The following SLC41A2 variants were observed in gnomAD, a reference collection of about 807,000 sequenced individuals.
SLC41A2 encodes the protein solute carrier family 41 member 2, also known as SLC41A1-like 1.
A neutral mutation model predicts 58.3 loss-of-function variants in SLC41A2; 32 were observed. The ratio of observed to expected loss-of-function variants is 0.55; its 90% CI spans 0.41 to 0.74. The LOEUF is 0.74. SLC41A2 is among the 30% of genes least tolerant of loss of function. The probability of loss-of-function intolerance (pLI) is 0.00; values close to 1 mark genes in which losing one functional copy is unlikely to be tolerated. For missense variants in SLC41A2, 514 were observed against 680.6 expected (o/e 0.76, Z 2.72); for synonymous variants, 190 against 235.0 (o/e 0.81, Z 1.75).
chr12:104,957,731 G>C (rs2048221088), intron 1 of SLC41A2, among the ~76,000 whole-genome samples: 1 of 152,222 alleles, frequency 6.6e-6, no homozygotes, highest in Non-Finnish European at 1.5e-5. Flanking sequence ...CATCTGGGGT[G>C]TGCCCGAGCC....
intron 8 of SLC41A2, among the ~76,000 whole-genome samples, chr12:104,856,123 G>T (rs1488237375): frequency 6.6e-6 from 1 of 152,146 alleles, no homozygotes; most frequent in Non-Finnish European, 1.5e-5. Context: ...GATATTGCTG[G>T]TCTGGGGACC....
intron 2 of SLC41A2, among the ~76,000 whole-genome samples, chr12:104,924,892 G>T (rs922228348): frequency 2.6e-5 from 4 of 152,160 alleles, no homozygotes; most frequent in Admixed American, 6.5e-5. Flanking sequence ...ATAATGTTGA[G>T]GGAAAAAAAG....
intron 10 of SLC41A2, among the ~76,000 whole-genome samples, chr12:104,808,756 G>T (rs1373141076): frequency 6.6e-6 from 1 of 152,170 alleles, no homozygotes; most frequent in African/African-American, 2.4e-5. Flanking sequence ...CCTGTTATTG[G>T]TCTATTCAGA....
chr12:104,810,711 T>C (rs1224648313), intron 10 of SLC41A2, among the ~76,000 whole-genome samples: 1 of 152,164 alleles, frequency 6.6e-6, no homozygotes, highest in African/African-American at 2.4e-5. Flanking sequence ...TAATGTTCAT[T>C]TGGAGAAATT....
intron 8 of SLC41A2, among the ~76,000 whole-genome samples, chr12:104,851,460 T>C (rs1356088144): frequency 6.6e-6 from 1 of 152,140 alleles, no homozygotes; most frequent in Non-Finnish European, 1.5e-5. Context: ...TGTGGCTCAC[T>C]GCAACGTCGA....
intron 10 of SLC41A2, among the ~76,000 whole-genome samples, chr12:104,808,405 C>G (rs2041020483): frequency 6.6e-6 from 1 of 152,200 alleles, no homozygotes; most frequent in Non-Finnish European, 1.5e-5. Flanking sequence ...CCTTGCATCC[C>G]AGGGATGAAG....
chr12:104,847,314 G>A (rs528409701), intron 8 of SLC41A2, among the ~76,000 whole-genome samples: 1 of 151,904 alleles, frequency 6.6e-6, no homozygotes, highest in South Asian at 2.1e-4. Context: ...GTTTAAGAAG[G>A]TCAAGACGGC....
At chr12:104,816,736 A>G (rs191552227) in intron 10 of SLC41A2, among the ~76,000 whole-genome samples, 2 of 152,264 alleles carry the variant, frequency 1.3e-5, no homozygotes, top group Admixed American at 1.3e-4. Flanking sequence ...AAAATTTACA[A>G]CCACAATGTG....
intron 8 of SLC41A2, among the ~76,000 whole-genome samples, chr12:104,846,657 T>C (rs527614199): frequency 3.1e-4 from 47 of 152,182 alleles, no homozygotes; most frequent in Non-Finnish European, 6.6e-4. Context: ...CTAAGAAACA[T>C]CAGCAACTGA....
intron 10 of SLC41A2, among the ~76,000 whole-genome samples, chr12:104,830,851 G>A (rs1381180842): frequency 1.3e-5 from 2 of 152,062 alleles, no homozygotes; most frequent in Admixed American, 6.6e-5. Flanking sequence ...TTCTTATGCT[G>A]GCAGAAGTTA....
Position 104,801,996 on chromosome 12 carries a change from C to T in SLC41A2, c.*3156G>A, listed in dbSNP as rs1322917461. Among the ~76,000 whole-genome samples, 2 of 151,976 alleles carry T rather than the reference C, an allele frequency of 1.3e-5. No homozygotes were observed. The highest frequency in any genetic ancestry group is 2.9e-5 in the Non-Finnish European group (2 of 67,980). On this transcript the variant is annotated 3_prime_UTR_variant, in exon 11 of 11. Transcript: ENST00000258538. ...AAAACAATTCGAAGATGGCAGAACC[C>T]CGTTATAAATGGGTACACTATACCA... is the stretch of plus-strand genomic sequence containing the variant.
chr12:104,879,327 G>T (rs1402855485), intron 6 of SLC41A2, among the ~76,000 whole-genome samples: 1 of 152,150 alleles, frequency 6.6e-6, no homozygotes. Context: ...GATCCCATTT[G>T]TCTATTTTGG....
intron 7 of SLC41A2, among the ~76,000 whole-genome samples, chr12:104,864,925 T>C (rs2043361080): frequency 6.6e-6 from 1 of 152,054 alleles, no homozygotes; most frequent in Non-Finnish European, 1.5e-5. Flanking sequence ...TTTTTTCCCA[T>C]CTGTCTTTTA....
At position 104,805,274 on chromosome 12, in the gene SLC41A2, G is replaced by C. The variant is rs765422534; in HGVS notation, c.1600C>G (p.Pro534Ala). The change falls in exon 11 of 11, where the codon CCG becomes GCG. Residue 534 changes from proline (P) to alanine (A), a missense_variant. Physicochemically the swap from Pro to Ala is conservative, Grantham distance 27. Transcript: ENST00000258538. ...VHHFWRKGKD[P>A]DSFSIPYLTA... is the part of the protein sequence containing the mutation. ...AGGTAGGGGATGGAGAAACTATCCG[G>C]GTCCTTTCCTTTCCTCCAGAAGTGA... 1 of 1,613,704 alleles carries C rather than the reference G, an allele frequency of 6.2e-7. No homozygotes were observed. Among genetic ancestry groups the C allele is most frequent in the Non-Finnish European group, 8.5e-7 (1 of 1,179,840 alleles).
intron 6 of SLC41A2, among the ~76,000 whole-genome samples, chr12:104,869,169 G>A (rs11112216): frequency 0.075 from 11,366 of 152,100 alleles, 485 homozygotes; most frequent in Middle Eastern, 0.11. Flanking sequence ...CAGGCCCAGC[G>A]TTTCTGTTTG....
intron 10 of SLC41A2, among the ~76,000 whole-genome samples, chr12:104,809,590 G>A (rs2041083234): frequency 6.6e-6 from 1 of 152,282 alleles, no homozygotes; most frequent in East Asian, 1.9e-4. Context: ...TGTGTTTTGG[G>A]TATGGAGGAA....
intron 4 of SLC41A2, 64 bp downstream of exon 4, chr12:104,895,209 AT>A: frequency 8.6e-7 from 1 of 1,166,778 alleles, no homozygotes; most frequent in African/African-American, 1.5e-5. Flanking sequence ...ATTTACACCA[AT>A]CTTATAGATT....
At chr12:104,883,193 C>A (rs2044474426) in intron 6 of SLC41A2, among the ~76,000 whole-genome samples, 1 of 152,194 alleles carries the variant, frequency 6.6e-6, no homozygotes, top group Admixed American at 6.5e-5. Flanking sequence ...GTCTTCTCTA[C>A]ACTGTTTATT....
intron 10 of SLC41A2, among the ~76,000 whole-genome samples, chr12:104,833,766 C>G (rs186578881): frequency 9.3e-5 from 14 of 150,318 alleles, no homozygotes; most frequent in Admixed American, 8.7e-4. Context: ...ATTATAGAAT[C>G]ATTCAGGTCA....
Sources: gnomAD v4.1 joint callset for allele counts (sites outside exome capture counted in the v4.1 genomes callset) on GRCh38, gnomAD v4.1.1 for gene constraint, MANE v1.5 for transcripts, NCBI Gene and HGNC (gene_info 2026-07-23, HGNC 2026-07-21) for gene names.